The following HEMK2 variants were observed in gnomAD, a reference collection of about 807,000 sequenced individuals.
HEMK2 encodes the protein methyltransferase HEMK2.
the HEMK2 span, among the ~76,000 whole-genome samples, chr21:28,680,213 G>C: frequency 6.6e-6 from 1 of 152,246 alleles, no homozygotes; most frequent in Admixed American, 6.5e-5. Context: ...AAATGACAAA[G>C]GGGATATCAC....
At chr21:28,831,550 G>GGAAGGAAAGAAA in the HEMK2 span, among the ~76,000 whole-genome samples, 1 of 66,070 alleles carries the variant, frequency 1.5e-5, no homozygotes, top group Non-Finnish European at 2.7e-5. Flanking sequence ...AAGGAAAGAA[G>GGAAGGAAAGAAA]GAAAGAAGGA....
the HEMK2 span, among the ~76,000 whole-genome samples, chr21:28,782,564 T>C: frequency 6.6e-6 from 1 of 152,122 alleles, no homozygotes; most frequent in Non-Finnish European, 1.5e-5. Flanking sequence ...ACACGAATAA[T>C]CAAAAAACCT....
the HEMK2 span, among the ~76,000 whole-genome samples, chr21:28,590,805 A>G: frequency 6.6e-6 from 1 of 152,242 alleles, no homozygotes; most frequent in Non-Finnish European, 1.5e-5. Flanking sequence ...CTGACGAGAC[A>G]GCCCCTCCAG....
chr21:28,601,346 C>T, the HEMK2 span, among the ~76,000 whole-genome samples: 1 of 152,200 alleles, frequency 6.6e-6, no homozygotes, highest in Non-Finnish European at 1.5e-5. Flanking sequence ...TGTTCCCCAG[C>T]CTTACTGGCC....
the HEMK2 span, among the ~76,000 whole-genome samples, chr21:28,837,142 CAG>C: frequency 6.6e-6 from 1 of 152,158 alleles, no homozygotes. Flanking sequence ...CTCATTAAGA[CAG>C]AAAGTCAACA....
At chr21:28,753,228 G>A in the HEMK2 span, among the ~76,000 whole-genome samples, 3 of 151,912 alleles carry the variant, frequency 2.0e-5, no homozygotes, top group African/African-American at 4.8e-5. Flanking sequence ...ATGGTGGCAC[G>A]TACCTGTAAT....
the HEMK2 span, among the ~76,000 whole-genome samples, chr21:28,830,584 AT>A: frequency 6.6e-6 from 1 of 152,248 alleles, no homozygotes; most frequent in Non-Finnish European, 1.5e-5. Context: ...TTTTAAAAAA[AT>A]GTATGGATGG....
the HEMK2 span, among the ~76,000 whole-genome samples, chr21:28,663,707 G>A: frequency 1.3e-5 from 2 of 152,164 alleles, no homozygotes; most frequent in Non-Finnish European, 2.9e-5. Flanking sequence ...CATTGATGAC[G>A]TTAGGACAAA....
chr21:28,651,578 C>T, the HEMK2 span, among the ~76,000 whole-genome samples: 1 of 152,090 alleles, frequency 6.6e-6, no homozygotes, highest in Admixed American at 6.5e-5. Context: ...AAATTAATAC[C>T]TATCACAAGA....
chr21:28,817,160 T>C, the HEMK2 span, among the ~76,000 whole-genome samples: 1 of 152,168 alleles, frequency 6.6e-6, no homozygotes, highest in Non-Finnish European at 1.5e-5. Flanking sequence ...TGCTAAGAAA[T>C]GTTGGAATAT....
At chr21:28,677,447 G>C in the HEMK2 span, among the ~76,000 whole-genome samples, 1 of 152,202 alleles carries the variant, frequency 6.6e-6, no homozygotes, top group Non-Finnish European at 1.5e-5. Context: ...GGCCTGCCTG[G>C]CTCTGTAGAC....
At chr21:28,810,443 T>A in the HEMK2 span, among the ~76,000 whole-genome samples, 1 of 152,204 alleles carries the variant, frequency 6.6e-6, no homozygotes, top group African/African-American at 2.4e-5. Flanking sequence ...GGGCTGACTC[T>A]CAGGAGCTCA....
At chr21:28,646,232 C>T in the HEMK2 span, among the ~76,000 whole-genome samples, 6 of 152,156 alleles carry the variant, frequency 3.9e-5, no homozygotes, top group Admixed American at 6.5e-5. Context: ...CTCCTTCCTC[C>T]TGCATCAACC....
chr21:28,768,071 G>A, the HEMK2 span, among the ~76,000 whole-genome samples: 1 of 152,068 alleles, frequency 6.6e-6, no homozygotes, highest in African/African-American at 2.4e-5. Context: ...AGTTAGAAGA[G>A]GGTCTCTCTT....
the HEMK2 span, among the ~76,000 whole-genome samples, chr21:28,880,222 T>C: frequency 3.3e-5 from 5 of 152,236 alleles, no homozygotes; most frequent in Middle Eastern, 3.2e-3. Flanking sequence ...GGTTCACTTT[T>C]AGAAAATGAA....
the HEMK2 span, chr21:28,879,728 G>A: frequency 1.9e-6 from 1 of 528,582 alleles, no homozygotes; most frequent in Non-Finnish European, 3.2e-6. Context: ...CTTTTAATAG[G>A]ACTCAATTAC....
chr21:28,648,112 T>C, the HEMK2 span, among the ~76,000 whole-genome samples: 1 of 152,194 alleles, frequency 6.6e-6, no homozygotes, highest in African/African-American at 2.4e-5. Flanking sequence ...CATACCTCCT[T>C]CCCATTCAGA....
chr21:28,639,865 G>A, the HEMK2 span, among the ~76,000 whole-genome samples: 1 of 152,176 alleles, frequency 6.6e-6, no homozygotes, highest in African/African-American at 2.4e-5. Context: ...TGCCAGTAAT[G>A]AGCCAATCAT....
the HEMK2 span, among the ~76,000 whole-genome samples, chr21:28,830,736 G>A: frequency 2.4e-4 from 36 of 152,146 alleles, no homozygotes; most frequent in South Asian, 7.5e-3. Flanking sequence ...AATTAGCCGG[G>A]CATGGTGGCA....
Sources: gnomAD v4.1 joint callset for allele counts (sites outside exome capture counted in the v4.1 genomes callset) on GRCh38, gnomAD v4.1.1 for gene constraint, MANE v1.5 for transcripts, NCBI Gene and HGNC (gene_info 2026-07-23, HGNC 2026-07-21) for gene names.